The following IL7 variants were observed in gnomAD, a reference collection of about 807,000 sequenced individuals.
The protein encoded by IL7 is interleukin-7.
Under a neutral mutation model 21.6 loss-of-function variants are expected in IL7, and 3 were observed. The observed-to-expected ratio is 0.14, with a 90% CI of 0.06 to 0.36. IL7 has a LOEUF of 0.36. Among genes scored for constraint, IL7 ranks in the 10% least tolerant of loss-of-function variants. The probability of loss-of-function intolerance (pLI) is 1.00; values close to 1 mark genes in which losing one functional copy is unlikely to be tolerated. For synonymous variants in IL7, 62 were observed against 68.1 expected (o/e 0.91, Z 0.44); for missense variants, 175 against 200.2 (o/e 0.87, Z 0.76).
At chr8:78,676,745 T>A (rs1809592153) in intron 4 of IL7, among the ~76,000 whole-genome samples, 1 of 152,056 alleles carries the variant, frequency 6.6e-6, no homozygotes, top group Admixed American at 6.6e-5. Flanking sequence ...AAAAACATCT[T>A]GCCCACACAT....
intron 2 of IL7, among the ~76,000 whole-genome samples, chr8:78,769,207 T>C (rs901358371): frequency 2.2e-4 from 34 of 151,566 alleles, no homozygotes; most frequent in African/African-American, 8.0e-4. Flanking sequence ...GAGAAGGAAA[T>C]AAAGGGTATT....
intron 3 of IL7, among the ~76,000 whole-genome samples, chr8:78,708,164 A>G (rs980627695): frequency 1.3e-5 from 2 of 152,214 alleles, no homozygotes; most frequent in African/African-American, 2.4e-5. Flanking sequence ...GAATTAAGAC[A>G]TTTGGTCAGG....
rs182132121 is a variant in IL7 at position 78,690,281 on chromosome 8, C to T, written n.215-4334G>A. Among the ~76,000 whole-genome samples the T allele has an allele frequency of 1.8e-4, 27 of 152,226 alleles. 1 individual carries two copies. The highest frequency in any genetic ancestry group is 1.4e-3 in the Admixed American group (21 of 15,292). On this transcript the variant is annotated intron_variant and non_coding_transcript_variant, in intron 3 of 4. Coordinates refer to the IL7 transcript ENST00000523959. ...TCCTTTTAAAATTTTCTTTGGCAGC[C>T]GGGTGCAGTGGCTCCCGCCTTTAAT...
chr8:78,777,279 T>C (rs192942397), intron 2 of IL7, among the ~76,000 whole-genome samples: 1 of 152,212 alleles, frequency 6.6e-6, no homozygotes, highest in East Asian at 1.9e-4. Context: ...GACGCATCAT[T>C]GTCCTCAAAG....
At chr8:78,761,274 C>A (rs1812546812) in intron 2 of IL7, 2 of 1,608,292 alleles carry the variant, frequency 1.2e-6, no homozygotes, top group East Asian at 4.5e-5. Context: ...CAAACTTCCT[C>A]GATTGTTCCT....
chr8:78,768,633 G>A (rs1336693464), intron 2 of IL7, among the ~76,000 whole-genome samples: 1 of 151,458 alleles, frequency 6.6e-6, no homozygotes, highest in African/African-American at 2.4e-5. Flanking sequence ...TTTTTTTCTT[G>A]TAAATTTGTT....
At position 78,779,615 on chromosome 8, in the gene IL7, G is replaced by A. The variant is rs368158978; in HGVS notation, c.147+18457C>T. ...CTTGATCATGGTGGATAAGCTTTTC[G>A]ATGTGCTCCTGGATTTGGTTTGGCA... On this transcript the variant is annotated intron_variant, in intron 2 of 5. Coordinates refer to ENST00000263851, the MANE Select transcript of IL7 (RefSeq NM_000880.4). 1.1e-4 allele frequency among the ~76,000 whole-genome samples: 16 copies of A among 152,176 alleles called. No individual in the cohort carries two copies. The South Asian group carries it at 2.5e-3, about 24-fold the overall frequency.
chr8:78,774,865 T>A (rs1445225522), intron 2 of IL7, among the ~76,000 whole-genome samples: 1 of 152,096 alleles, frequency 6.6e-6, no homozygotes, highest in Non-Finnish European at 1.5e-5. Context: ...TTGTGAGTTT[T>A]CATTTGTGAA....
chr8:78,689,137 G>T, intron 3 of IL7: 2 of 1,004,512 alleles, frequency 2.0e-6, no homozygotes, highest in Non-Finnish European at 1.3e-6. Flanking sequence ...TATATTTTTT[G>T]AATGACTGCA....
downstream of IL7, chr8:78,675,652 C>A: frequency 1.3e-6 from 1 of 742,954 alleles, no homozygotes; most frequent in Non-Finnish European, 2.1e-6. Flanking sequence ...GATAATTTTG[C>A]TTATTTCAAA....
chr8:78,772,049 C>G (rs1812976127), intron 2 of IL7, among the ~76,000 whole-genome samples: 2 of 152,102 alleles, frequency 1.3e-5, no homozygotes, highest in Admixed American at 6.6e-5. Flanking sequence ...ATGGACAGTG[C>G]AAGCAATATC....
intron 5 of IL7, chr8:78,719,679 A>G (rs909398445): frequency 3.3e-5 from 5 of 151,712 alleles, no homozygotes; most frequent in African/African-American, 7.2e-5. Flanking sequence ...GGTGACTATT[A>G]TTTCTTGTCC....
At chr8:78,679,494 G>C (rs1014263529) in intron 4 of IL7, 1 of 151,994 alleles carries the variant, frequency 6.6e-6, no homozygotes, top group African/African-American at 2.4e-5. Context: ...TTGTTATATG[G>C]TTATTTATTT....
At chr8:78,688,285 G>C (rs1216339851) in intron 3 of IL7, among the ~76,000 whole-genome samples, 1 of 152,036 alleles carries the variant, frequency 6.6e-6, no homozygotes, top group Non-Finnish European at 1.5e-5. Context: ...ATAAGAGAGT[G>C]AGAGGGTACC....
chr8:78,707,659 AC>A (rs1431313232), intron 3 of IL7, among the ~76,000 whole-genome samples: 6 of 152,200 alleles, frequency 3.9e-5, no homozygotes, highest in African/African-American at 1.2e-4. Context: ...TGTCAATCAT[AC>A]CTGTTCAAAT....
chr8:78,796,676 T>C (rs1189749143), intron 2 of IL7, among the ~76,000 whole-genome samples: 1 of 152,026 alleles, frequency 6.6e-6, no homozygotes, highest in Non-Finnish European at 1.5e-5. Flanking sequence ...TATGTCATTA[T>C]GGAATGGAAA....
intron 2 of IL7, among the ~76,000 whole-genome samples, chr8:78,780,106 A>G (rs981808414): frequency 2.6e-5 from 4 of 151,876 alleles, no homozygotes; most frequent in Non-Finnish European, 5.9e-5. Flanking sequence ...TTTATTGTGT[A>G]TATTTGATTC....
intron 2 of IL7, among the ~76,000 whole-genome samples, chr8:78,792,900 C>T (rs1317490905): frequency 1.6e-4 from 24 of 152,074 alleles, no homozygotes; most frequent in Admixed American, 1.6e-3. Context: ...ACCATATAAT[C>T]CAACAATTTG....
intron 3 of IL7, among the ~76,000 whole-genome samples, chr8:78,709,981 C>G (rs1000095322): frequency 1.2e-4 from 18 of 152,226 alleles, no homozygotes; most frequent in African/African-American, 3.6e-4. Context: ...ACCTAGTAAG[C>G]CACACTAAAA....
Sources: allele counts gnomAD v4.1 joint callset (sites outside exome capture counted in the v4.1 genomes callset), GRCh38; gene constraint gnomAD v4.1.1; transcripts MANE v1.5; gene names NCBI Gene and HGNC (gene_info 2026-07-23, HGNC 2026-07-21).